The following CNTN5 variants were observed in gnomAD, a reference collection of about 807,000 sequenced individuals.
CNTN5 encodes the protein contactin 5.
Under a neutral mutation model 129.1 loss-of-function variants are expected in CNTN5, and 77 were observed. The ratio of observed to expected loss-of-function variants is 0.60; its 90% CI spans 0.50 to 0.72. The LOEUF is 0.72. Ranked by LOEUF, CNTN5 falls within the 30% of genes least tolerant of loss-of-function variation. The pLI is 0.00. For synonymous variants in CNTN5, 509 were observed against 465.6 expected, an observed-to-expected ratio of 1.09 and a Z score of -1.20; for missense variants, 1,478 against 1,328.8, an observed-to-expected ratio of 1.11 and a Z score of -1.75.
chr11:100,287,571 AC>A (rs1166628759), intron 18 of CNTN5, among the ~76,000 whole-genome samples: 1 of 150,694 alleles, frequency 6.6e-6, no homozygotes, highest in Non-Finnish European at 1.5e-5. Context: ...AGATTTTGTC[AC>A]CACCAGGCCT....
chr11:100,106,411 T>C (rs533557971), intron 13 of CNTN5, among the ~76,000 whole-genome samples: 1 of 152,304 alleles, frequency 6.6e-6, no homozygotes, highest in South Asian at 2.1e-4. Context: ...TAATTTCTAA[T>C]GCCTTACCAA....
At chr11:100,076,348 TTCA>T (rs1429050296) in intron 13 of CNTN5, among the ~76,000 whole-genome samples, 3 of 152,238 alleles carry the variant, frequency 2.0e-5, no homozygotes, top group Admixed American at 2.0e-4. Context: ...AAGAATGTTC[TTCA>T]TCAACTGTTG....
At chr11:99,529,459 C>CT (rs574784882) in intron 2 of CNTN5, among the ~76,000 whole-genome samples, 96 of 152,216 alleles carry the variant, frequency 6.3e-4, no homozygotes, top group Non-Finnish European at 1.1e-3. Context: ...AAACAACGAT[C>CT]TTGTGATTGG....
At chr11:100,112,773 A>G (rs921344272) in intron 13 of CNTN5, among the ~76,000 whole-genome samples, 2 of 152,196 alleles carry the variant, frequency 1.3e-5, no homozygotes, top group African/African-American at 4.8e-5. Flanking sequence ...AAAGTTTCAG[A>G]CTAAAGGTCA....
chr11:99,080,349 G>A (rs1421461402), intron 1 of CNTN5, among the ~76,000 whole-genome samples: 8 of 152,092 alleles, frequency 5.3e-5, no homozygotes, highest in Non-Finnish European at 5.9e-5. Context: ...TCCTAGCAAC[G>A]ACTAATCACA....
chr11:99,320,667 G>A (rs1457154709), intron 1 of CNTN5, among the ~76,000 whole-genome samples: 1 of 152,258 alleles, frequency 6.6e-6, no homozygotes, highest in African/African-American at 2.4e-5. Context: ...TAAAAAGGAG[G>A]GGAGTAAGTA....
intron 9 of CNTN5, among the ~76,000 whole-genome samples, chr11:100,031,856 A>G (rs565936535): frequency 6.6e-6 from 1 of 152,190 alleles, no homozygotes; most frequent in African/African-American, 2.4e-5. Flanking sequence ...TAAATCCCTC[A>G]CTAACCTACC....
intron 6 of CNTN5, among the ~76,000 whole-genome samples, chr11:99,859,081 T>A (rs1166804560): frequency 6.6e-6 from 1 of 152,204 alleles, no homozygotes; most frequent in East Asian, 1.9e-4. Context: ...TACCTGACTC[T>A]GTGTCTAGAT....
At position 100,061,368 on chromosome 11, in the gene CNTN5, C is replaced by G; in HGVS notation, c.1137C>G (p.Ser379=). The change falls in exon 10 of 25, where the codon TCC becomes TCG. Residue 379 remains serine (S), a synonymous_variant. Coordinates refer to ENST00000524871, the MANE Select transcript of CNTN5 (RefSeq NM_014361.4). Reference sequence around the variant, plus strand: ...CTGAAAACTCACGTGGAAAAAATTCCTTTCGTGGACAATTACAAGTATACA... The same window carrying G: ...CTGAAAACTCACGTGGAAAAAATTCGTTTCGTGGACAATTACAAGTATACA... ...CRAENSRGKN[S]FRGQLQVYTY... 6.3e-7 allele frequency: 1 copy of G among 1,598,198 alleles called. No individual in the cohort carries two copies. Among genetic ancestry groups the G allele is most frequent in the Non-Finnish European group, 8.6e-7 (1 of 1,167,984 alleles).
chr11:99,795,517 T>C (rs536737392), intron 3 of CNTN5, among the ~76,000 whole-genome samples: 1 of 152,192 alleles, frequency 6.6e-6, no homozygotes, highest in Non-Finnish European at 1.5e-5. Flanking sequence ...TTGCCAGATA[T>C]GTTGTGCTGG....
chr11:99,647,946 T>C (rs983301578), intron 3 of CNTN5, among the ~76,000 whole-genome samples: 1 of 151,938 alleles, frequency 6.6e-6, no homozygotes, highest in Admixed American at 6.6e-5. Flanking sequence ...TTTTAGGTTT[T>C]TCTATATATA....
chr11:100,065,999 T>A (rs968013832), intron 10 of CNTN5, among the ~76,000 whole-genome samples: 9 of 152,114 alleles, frequency 5.9e-5, no homozygotes, highest in African/African-American at 1.9e-4. Context: ...AAAGACAGTT[T>A]TCAATCCTGT....
At chr11:99,062,477 C>T (rs1043675054) in intron 1 of CNTN5, among the ~76,000 whole-genome samples, 8 of 152,060 alleles carry the variant, frequency 5.3e-5, no homozygotes, top group Non-Finnish European at 8.8e-5. Context: ...TATAGAGGAA[C>T]ACTAACATAA....
intron 3 of CNTN5, among the ~76,000 whole-genome samples, chr11:99,782,147 A>G (rs989060961): frequency 6.0e-5 from 9 of 151,124 alleles, no homozygotes; most frequent in South Asian, 2.1e-4. Context: ...TAGAAAATCA[A>G]TGTACAAAAA....
In CNTN5 at chr11:99,710,318, C is replaced by T. The variant is rs562211395; in HGVS notation, c.56-109226C>T. Among the ~76,000 whole-genome samples the T allele has an allele frequency of 3.9e-5, 6 of 151,966 alleles. 1 individual carries two copies. The East Asian group carries it at 1.2e-3, about 30-fold the overall frequency. ...CCCATTCATTCCTCTTGTCATAACA[C>T]TCCAGGATATAAGTGAATTCAGACT... On this transcript the variant is annotated intron_variant, in intron 3 of 24. Coordinates refer to ENST00000524871, the MANE Select transcript of CNTN5 (RefSeq NM_014361.4).
intron 2 of CNTN5, among the ~76,000 whole-genome samples, chr11:99,447,726 A>G (rs913386043): frequency 6.6e-6 from 1 of 152,184 alleles, no homozygotes; most frequent in African/African-American, 2.4e-5. Flanking sequence ...GGAGTTCGAG[A>G]CCAGCCTGGC....
chr11:99,949,731 A>T (rs1296682671), intron 7 of CNTN5, among the ~76,000 whole-genome samples: 3 of 152,298 alleles, frequency 2.0e-5, no homozygotes, highest in African/African-American at 7.2e-5. Flanking sequence ...AATGTCCTCC[A>T]CACTGTGAAG....
At chr11:100,092,475 T>G (rs1944826294) in intron 13 of CNTN5, among the ~76,000 whole-genome samples, 1 of 152,118 alleles carries the variant, frequency 6.6e-6, no homozygotes, top group South Asian at 2.1e-4. Context: ...GCCCAGACTT[T>G]TAAGCACCAT....
At chr11:100,049,916 C>G (rs1365520220) in intron 9 of CNTN5, among the ~76,000 whole-genome samples, 2 of 152,064 alleles carry the variant, frequency 1.3e-5, no homozygotes, top group African/African-American at 4.8e-5. Flanking sequence ...AAATCAAAAC[C>G]ACAATGAGAT....
Sources: allele counts gnomAD v4.1 joint callset (sites outside exome capture counted in the v4.1 genomes callset), GRCh38; gene constraint gnomAD v4.1.1; transcripts MANE v1.5; gene names NCBI Gene and HGNC (gene_info 2026-07-23, HGNC 2026-07-21).